Variants in IGDCC3 observed in about 807,000 individuals in gnomAD.
The protein encoded by IGDCC3 is putative neuronal cell adhesion molecule.
A neutral mutation model predicts 72.0 loss-of-function variants in IGDCC3; 47 were observed. That is an observed-to-expected ratio of 0.65 (90% CI 0.52 to 0.83). The LOEUF (loss-of-function observed/expected upper bound fraction) is 0.83. Among genes scored for constraint, IGDCC3 ranks in the 40% least tolerant of loss-of-function variants. The pLI, the probability that IGDCC3 is intolerant of heterozygous loss-of-function variation, is 0.00. For missense variants in IGDCC3, 1,038 were observed against 1,091.3 expected (o/e 0.95, Z 0.69); for synonymous variants, 477 against 472.8 (o/e 1.01, Z -0.11).
chr15:65,347,138 G>A (rs1047464069), intron 2 of IGDCC3, among the ~76,000 whole-genome samples: 8 of 152,194 alleles, frequency 5.3e-5, no homozygotes, highest in Admixed American at 3.9e-4. Flanking sequence ...CTCACCTCCC[G>A]GAAGGGTGTC....
At chr15:65,344,358 C>T (rs1012360178) in intron 2 of IGDCC3, among the ~76,000 whole-genome samples, 15 of 152,122 alleles carry the variant, frequency 9.9e-5, no homozygotes, top group African/African-American at 3.6e-4. Flanking sequence ...CTGCCTTGGG[C>T]CCCTGAACCC....
At chr15:65,372,743 G>A (rs951166839) in intron 2 of IGDCC3, among the ~76,000 whole-genome samples, 10 of 152,202 alleles carry the variant, frequency 6.6e-5, no homozygotes, top group Non-Finnish European at 1.2e-4. Flanking sequence ...GCACCCTCCT[G>A]TGTCACACAA....
chr15:65,349,164 A>G (rs189924338), intron 2 of IGDCC3, among the ~76,000 whole-genome samples: 1 of 152,364 alleles, frequency 6.6e-6, no homozygotes, highest in African/African-American at 2.4e-5. Flanking sequence ...GGGCAAATTT[A>G]AGTCTTGACA....
intron 1 of IGDCC3, among the ~76,000 whole-genome samples, chr15:65,376,648 T>C (rs1161977090): frequency 1.3e-5 from 2 of 151,514 alleles, no homozygotes; most frequent in African/African-American, 4.9e-5. Flanking sequence ...ATGTAATGTT[T>C]TAAGACTTTT....
At chr15:65,374,340 G>A (rs902145776) in intron 2 of IGDCC3, among the ~76,000 whole-genome samples, 6 of 152,116 alleles carry the variant, frequency 3.9e-5, no homozygotes, top group Middle Eastern at 3.2e-3. Flanking sequence ...TTTGGTTTAT[G>A]CAACACACTC....
Position 65,335,961 on chromosome 15 carries a change from G to A in IGDCC3, c.410-5C>T. 1 of 1,614,110 alleles carries A rather than the reference G, an allele frequency of 6.2e-7. No homozygotes were observed. The highest frequency in any genetic ancestry group is 1.1e-5 in the South Asian group (1 of 91,076). ...GCACGTGGAAGTCCGACATGGCTGG[G>A]GGAAGAGAAGTGTATGAGTGCAGTG... On this transcript the variant is annotated splice_region_variant and splice_polypyrimidine_tract_variant and intron_variant, in intron 2 of 13. Transcript: ENST00000327987.
chr15:65,377,802 A>AGCTCG lies in IGDCC3; in HGVS notation c.-19_-15dup. On this transcript the variant is annotated 5_prime_UTR_variant, in exon 1 of 14. Coordinates refer to ENST00000327987, the MANE Select transcript of IGDCC3 (RefSeq NM_004884.4). This position sits in a 1 kb window ranked among gnomAD's most constrained non-coding sequence, Gnocchi z 4.9. Reference sequence around the variant, plus strand: ...CTGCACAGCCATGGGGCTCTCGGTCAGCTCGGCTCGGCGACGCGCGGCTCC... The same window carrying AGCTCG: ...CTGCACAGCCATGGGGCTCTCGGTCAGCTCGGCTCGGCTCGGCGACGCGCGGCTCC... 8.3e-7 allele frequency: 1 copy of AGCTCG among 1,201,576 alleles called. No individual in the cohort carries two copies. Among genetic ancestry groups the AGCTCG allele is most frequent in the Non-Finnish European group, 1.0e-6 (1 of 968,590 alleles). The allele number at this position is 1,201,576 out of a possible 1,614,324, so 74.4% of individuals were successfully genotyped here.
chr15:65,377,700 G>GACA lies in IGDCC3; in HGVS notation c.88_89insTGT (p.Pro30delinsLeuSer). The GACA allele has an allele frequency of 7.1e-7, 1 of 1,413,810 alleles. No individual in the cohort carries two copies. The highest frequency in any genetic ancestry group is 9.2e-7 in the Non-Finnish European group (1 of 1,087,764). 87.6% of individuals were successfully genotyped at this position (1,413,810 alleles called of 1,614,324 possible). A position where few individuals can be genotyped will look rare whatever the true frequency, so the allele number is the denominator to read the frequency against. On this transcript the variant is annotated protein_altering_variant, in exon 1 of 14. Transcript: ENST00000327987. The surrounding 1 kb of genome is among the most constrained non-coding windows in gnomAD (Gnocchi z 4.9). ...CTTTCACTCACCCTCGCTCGGCGCG[G>GACA]GCAGCAGCAGCAACAGCAGCGGCAG...
chr15:65,368,745 G>A (rs967756275), intron 2 of IGDCC3, among the ~76,000 whole-genome samples: 6 of 152,096 alleles, frequency 3.9e-5, no homozygotes, highest in South Asian at 2.1e-4. Flanking sequence ...ATAAACACGC[G>A]GCAGCAGCAC....
intron 2 of IGDCC3, among the ~76,000 whole-genome samples, chr15:65,358,604 A>C (rs893011724): frequency 6.6e-6 from 1 of 152,216 alleles, no homozygotes; most frequent in Non-Finnish European, 1.5e-5. Flanking sequence ...ACATTCAAAA[A>C]GCAAGAGGAG....
chr15:65,354,906 G>T (rs1217868924), intron 2 of IGDCC3, among the ~76,000 whole-genome samples: 1 of 152,234 alleles, frequency 6.6e-6, no homozygotes, highest in Non-Finnish European at 1.5e-5. Flanking sequence ...TAACCATGCA[G>T]ATTTCCGGAC....
At chr15:65,330,009 C>T (rs2090962382) in intron 11 of IGDCC3, 145 bp from the exon 12 acceptor site, 1 of 825,142 alleles carries the variant, frequency 1.2e-6, no homozygotes, top group African/African-American at 1.7e-5. Context: ...TACAGGACTC[C>T]AGACCAATCT....
rs530268201 is a variant in IGDCC3 at position 65,331,342 on chromosome 15, G to A, written c.1396+70C>T. ...GAAGGAAAGGGAGGCATCGGGTCAC[G>A]ACGTGCAGGATTGGAAGGAATAAGA... On this transcript the variant is annotated intron_variant, in intron 8 of 13. Coordinates refer to ENST00000327987, the MANE Select transcript of IGDCC3 (RefSeq NM_004884.4). 22 of 1,567,288 alleles carry A rather than the reference G, an allele frequency of 1.4e-5. No homozygotes were observed. The African/African-American group carries it at 1.5e-4, about 11-fold the overall frequency.
At chr15:65,348,336 C>T (rs1227767251) in intron 2 of IGDCC3, among the ~76,000 whole-genome samples, 1 of 152,208 alleles carries the variant, frequency 6.6e-6, no homozygotes, top group Non-Finnish European at 1.5e-5. Context: ...GATCCAAGAA[C>T]CCTCTCTTGG....
chr15:65,366,766 C>T (rs1187702151), intron 2 of IGDCC3, among the ~76,000 whole-genome samples: 1 of 152,232 alleles, frequency 6.6e-6, no homozygotes, highest in Non-Finnish European at 1.5e-5. Flanking sequence ...GCTCCCCCGG[C>T]TTGCCACTCT....
chr15:65,331,662 G>A lies in IGDCC3; in HGVS notation c.1149-3C>T, dbSNP rs1303113649. ...CGATTCCAGAAATGGTCAGTGTGCT[G>A]CAGGGGAGAGAGACAGCCTCAGGTT... On this transcript the variant is annotated splice_region_variant and splice_polypyrimidine_tract_variant and intron_variant, in intron 7 of 13. Coordinates refer to ENST00000327987, the MANE Select transcript of IGDCC3 (RefSeq NM_004884.4). 1.9e-6 allele frequency: 3 copies of A among 1,590,308 alleles called. No homozygotes were observed. In the East Asian group the frequency reaches 6.8e-5, roughly 36 times the overall value.
chr15:65,370,630 A>G (rs545875361), intron 2 of IGDCC3, among the ~76,000 whole-genome samples: 1 of 144,596 alleles, frequency 6.9e-6, no homozygotes, highest in Non-Finnish European at 1.5e-5. Context: ...GTATATATAT[A>G]TATATATATA....
intron 2 of IGDCC3, among the ~76,000 whole-genome samples, chr15:65,368,316 T>G (rs1406253733): frequency 3.6e-4 from 52 of 146,174 alleles, no homozygotes; most frequent in South Asian, 4.3e-4. Context: ...TAAGGGGGGC[T>G]GGGGGCCTGT....
At chr15:65,348,602 C>T (rs1159683426) in intron 2 of IGDCC3, among the ~76,000 whole-genome samples, 2 of 152,106 alleles carry the variant, frequency 1.3e-5, no homozygotes, top group Admixed American at 6.5e-5. Flanking sequence ...GGCCCAACTT[C>T]GGGGAGTTAG....
Sources: gnomAD v4.1 joint callset for allele counts (sites outside exome capture counted in the v4.1 genomes callset) on GRCh38, gnomAD v4.1.1 for gene constraint, Gnocchi (gnomAD v3.1) non-coding constraint, MANE v1.5 for transcripts, NCBI Gene and HGNC (gene_info 2026-07-23, HGNC 2026-07-21) for gene names.